LATS1: variants seen among roughly 807,000 people sequenced by gnomAD.
LATS1 encodes large tumor suppressor kinase 1, also known as serine/threonine-protein kinase LATS1.
Under a neutral mutation model 106.6 loss-of-function variants are expected in LATS1, and 25 were observed. The observed-to-expected ratio is 0.23, with a 90% CI of 0.17 to 0.33. The LOEUF (loss-of-function observed/expected upper bound fraction) is 0.33. Among genes scored for constraint, LATS1 ranks in the 10% least tolerant of loss-of-function variants. The pLI is 1.00. For missense variants in LATS1, 1,040 were observed against 1,382.6 expected (o/e 0.75, Z 3.93); for synonymous variants, 465 against 455.6 (o/e 1.02, Z -0.26).
rs139691394 is a variant in LATS1 at position 149,659,594 on chromosome 6, G to C, written c.*2135C>G. 2.4e-3 allele frequency: 560 copies of C among 230,972 alleles called. 1 individual carries two copies. Among genetic ancestry groups the C allele is most frequent in the South Asian group, 8.2e-3 (45 of 5,504 alleles). The allele number at this position is 230,972 out of a possible 1,614,324, so 14.3% of individuals were successfully genotyped here. A position where few individuals can be genotyped will look rare whatever the true frequency, so the allele number is the denominator to read the frequency against. On this transcript the variant is annotated 3_prime_UTR_variant, in exon 8 of 8. Transcript: ENST00000543571. ...TTTCCTACAACATAAATGTAACAAA[G>C]TTATCTTCTACTGTATTGCACCTTA...
chr6:149,666,283 A>G, intron 7 of LATS1, among the ~76,000 whole-genome samples: 1 of 152,142 alleles, frequency 6.6e-6, no homozygotes, highest in East Asian at 1.9e-4. Flanking sequence ...GTCAGTATTG[A>G]TATGACATAG....
chr6:149,683,351 T>C lies in LATS1; in HGVS notation c.1738A>G (p.Ser580Gly). Residue 580 changes from serine (S) to glycine (G), a missense_variant, in exon 4 of 8, where the codon AGC becomes GGC. Ser to Gly is a moderately conservative substitution (Grantham distance 56). Coordinates refer to ENST00000543571, the MANE Select transcript of LATS1 (RefSeq NM_004690.4). Reference sequence around the variant, plus strand: ...GGCAAGCTTGGCTGATCCTCTTTGCTAGGCTTACTGATTGACTCGTATGGA... The same window carrying C: ...GGCAAGCTTGGCTGATCCTCTTTGCCAGGCTTACTGATTGACTCGTATGGA... ...VPPYESISKP[S>G]KEDQPSLPKE... The C allele has an allele frequency of 6.2e-7, 1 of 1,614,214 alleles. No individual in the cohort carries two copies. Among genetic ancestry groups the C allele is most frequent in the South Asian group, 1.1e-5 (1 of 91,090 alleles).
In LATS1 at chr6:149,684,293, G is replaced by T. The variant is rs142352110; in HGVS notation, c.796C>A (p.Pro266Thr). Residue 266 changes from proline (P) to threonine (T), a missense_variant, in exon 4 of 8, where the codon CCT (proline) becomes ACT (threonine). Transcript: ENST00000543571. ...GTTTGAGAGTTTGGTTCCCATGAAG[G>T]GGGAGGTGGAGTTGTACCTCTTGGA... ...PPPRGTTPPP[P>T]SWEPNSQTKR... is the part of the protein sequence containing the mutation. 6.8e-6 allele frequency: 11 copies of T among 1,613,974 alleles called. No homozygotes were observed. In the Admixed American group the frequency reaches 8.3e-5, roughly 12 times the overall value.
intron 3 of LATS1, among the ~76,000 whole-genome samples, chr6:149,687,454 G>A (rs1037867114): frequency 6.6e-6 from 1 of 151,776 alleles, no homozygotes; most frequent in South Asian, 2.1e-4. Context: ...ATTCTTTTGA[G>A]ACAGTCTTGA....
intron 7 of LATS1, among the ~76,000 whole-genome samples, chr6:149,674,235 C>T (rs895075956): frequency 6.6e-6 from 1 of 151,546 alleles, no homozygotes; most frequent in African/African-American, 2.4e-5. Context: ...CCACCACACC[C>T]AGCTAATATT....
At position 149,711,404 on chromosome 6, in the gene LATS1, C is replaced by T. The variant is rs187652766; in HGVS notation, c.-141+6445G>A. 2.1e-3 allele frequency among the ~76,000 whole-genome samples: 318 copies of T among 151,998 alleles called. 1 individual carries two copies. The highest frequency in any genetic ancestry group is 2.9e-3 in the Non-Finnish European group (198 of 67,972). ...CTAAAAAATACAAAAATTAGCTGGGCGTGGTGGCATGTGCCTGTAGTCCCA... is the reference window on the plus strand; with the variant it reads ...CTAAAAAATACAAAAATTAGCTGGGTGTGGTGGCATGTGCCTGTAGTCCCA... On this transcript the variant is annotated intron_variant, in intron 1 of 7. Transcript: ENST00000543571.
rs142827467 is a variant in LATS1 at position 149,659,377 on chromosome 6, G to T, written c.*2352C>A. 6 of 203,022 alleles carry T rather than the reference G, an allele frequency of 3.0e-5. No homozygotes were observed. The East Asian group carries it at 4.5e-4, about 15-fold the overall frequency. 12.6% of individuals were successfully genotyped at this position (203,022 alleles called of 1,614,324 possible). On this transcript the variant is annotated 3_prime_UTR_variant, in exon 8 of 8. Coordinates refer to ENST00000543571, the MANE Select transcript of LATS1 (RefSeq NM_004690.4). The stretch of plus-strand genomic sequence containing the variant: ...TGGGAGGCTGAGGCGGGAGGACTGC[G>T]TGAGCCCCCAAGGTTGAGGATGCAG...
chr6:149,676,182 G>T, intron 7 of LATS1, 78 bp downstream of exon 7: 2 of 968,808 alleles, frequency 2.1e-6, no homozygotes, highest in South Asian at 1.3e-5. Context: ...AGACTAAAAT[G>T]CTCTACGTAC....
rs1273456810 is a variant in LATS1, at chr6:149,659,202, T to G, written c.*2527A>C. 2.8e-5 allele frequency: 5 copies of G among 178,190 alleles called. No individual in the cohort carries two copies. Among genetic ancestry groups the G allele is most frequent in the Non-Finnish European group, 6.0e-5 (5 of 82,954 alleles). 11.0% of individuals were successfully genotyped at this position (178,190 alleles called of 1,614,324 possible). On this transcript the variant is annotated 3_prime_UTR_variant, in exon 8 of 8. Coordinates refer to ENST00000543571, the MANE Select transcript of LATS1 (RefSeq NM_004690.4). ...ACATATTTGCGCCAGGCGCGGTGGG[T>G]CACGTCTGTAATCCCAGCACTTTGG...
intron 1 of LATS1, among the ~76,000 whole-genome samples, chr6:149,710,394 A>G (rs1582930375): frequency 6.6e-6 from 1 of 152,320 alleles, no homozygotes; most frequent in Non-Finnish European, 1.5e-5. Context: ...CCGAATTGGA[A>G]GAAGGCACAA....
chr6:149,692,820 A>T (rs1026731350), intron 3 of LATS1, among the ~76,000 whole-genome samples: 1 of 151,906 alleles, frequency 6.6e-6, no homozygotes, highest in Non-Finnish European at 1.5e-5. Flanking sequence ...GATTAGAGAC[A>T]CGCGCCACCA....
intron 3 of LATS1, among the ~76,000 whole-genome samples, chr6:149,693,806 C>T (rs1388884633): frequency 6.6e-6 from 1 of 151,452 alleles, no homozygotes; most frequent in Admixed American, 6.6e-5. Context: ...ATTGGTACTA[C>T]TAGCTGGGCG....
intron 7 of LATS1, among the ~76,000 whole-genome samples, chr6:149,671,406 T>C (rs753120789): frequency 4.3e-4 from 65 of 152,122 alleles, no homozygotes; most frequent in Non-Finnish European, 5.0e-4. Flanking sequence ...AGTGCTAGGA[T>C]TACAGGCGTG....
chr6:149,661,615 C>T lies in LATS1; in HGVS notation c.*114G>A. The T allele has an allele frequency of 1.3e-6, 1 of 765,456 alleles. No homozygotes were observed. Among genetic ancestry groups the T allele is most frequent in the Non-Finnish European group, 2.0e-6 (1 of 494,554 alleles). The allele number at this position is 765,456 out of a possible 1,614,324, so 47.4% of individuals were successfully genotyped here. ...ATTTAGGAAAATAAAATATTGTACA[C>T]AGAGCACACATATATAGCTCTGTCA... On this transcript the variant is annotated 3_prime_UTR_variant, in exon 8 of 8. Transcript: ENST00000543571.
At chr6:149,666,523 C>G (rs1305814058) in intron 7 of LATS1, among the ~76,000 whole-genome samples, 2 of 151,466 alleles carry the variant, frequency 1.3e-5, no homozygotes, top group Non-Finnish European at 2.9e-5. Context: ...GAGGCTGAGG[C>G]GGAACAATTG....
Position 149,687,029 on chromosome 6 carries a change from T to C in LATS1, c.497-2437A>G, listed in dbSNP as rs1782413203. 1.3e-5 allele frequency among the ~76,000 whole-genome samples: 2 copies of C among 152,208 alleles called. 1 individual carries two copies. The highest frequency in any genetic ancestry group is 4.1e-4 in the South Asian group (2 of 4,832). Reference sequence around the variant, plus strand: ...CCAGACCACAACTACTTCTTCTGTTTACTCCTACTGCAAAAGTTTTTAAAC... The same window carrying C: ...CCAGACCACAACTACTTCTTCTGTTCACTCCTACTGCAAAAGTTTTTAAAC... On this transcript the variant is annotated intron_variant, in intron 3 of 7. Transcript: ENST00000543571.
intron 7 of LATS1, among the ~76,000 whole-genome samples, chr6:149,666,433 C>T (rs530456654): frequency 1.5e-3 from 220 of 150,472 alleles, no homozygotes; most frequent in African/African-American, 5.1e-3. Context: ...CTGGCCAATG[C>T]GGTGAAACCC....
chr6:149,686,266 A>G (rs1375638239), intron 3 of LATS1, among the ~76,000 whole-genome samples: 2 of 152,048 alleles, frequency 1.3e-5, no homozygotes, highest in Non-Finnish European at 2.9e-5. Flanking sequence ...ACGAAAAGCA[A>G]GTGAGTAAAT....
intron 3 of LATS1, among the ~76,000 whole-genome samples, chr6:149,690,205 CTTTTTTTCTTTTTT>C (rs1322527722): frequency 2.7e-4 from 38 of 138,492 alleles, no homozygotes; most frequent in Middle Eastern, 3.7e-3. Context: ...GTATTCTTTT[CTTTTTTTCTTTTTT>C]TTTTTTTTTT....
Sources: gnomAD v4.1 joint callset for allele counts (sites outside exome capture counted in the v4.1 genomes callset) on GRCh38, gnomAD v4.1.1 for gene constraint, MANE v1.5 for transcripts, NCBI Gene and HGNC (gene_info 2026-07-23, HGNC 2026-07-21) for gene names.